Variants in EYS observed in about 807,000 individuals in gnomAD.
EYS encodes the protein EGF-like photoreceptor maintenance factor.
A neutral mutation model predicts 282.1 loss-of-function variants in EYS; 250 were observed. That is an observed-to-expected ratio of 0.89 (90% CI 0.80 to 0.98). The LOEUF (loss-of-function observed/expected upper bound fraction) is 0.98. Among genes scored for constraint, EYS ranks in the 50% least tolerant of loss-of-function variants. The probability of loss-of-function intolerance (pLI) is 0.00; values close to 1 mark genes in which losing one functional copy is unlikely to be tolerated. For missense variants in EYS, 4,016 were observed against 3,709.0 expected (o/e 1.08, Z -2.15); for synonymous variants, 1,355 against 1,282.9 (o/e 1.06, Z -1.20).
chr6:64,683,945 T>TC (rs1351421835), intron 22 of EYS, among the ~76,000 whole-genome samples: 1 of 151,972 alleles, frequency 6.6e-6, no homozygotes, highest in East Asian at 1.9e-4. Context: ...GCCCAGAGCT[T>TC]CCCCCGCCCT....
chr6:64,477,001 C>T (rs1474725845), intron 26 of EYS, among the ~76,000 whole-genome samples: 1 of 151,988 alleles, frequency 6.6e-6, no homozygotes, highest in Non-Finnish European at 1.5e-5. Context: ...GAATATAATT[C>T]TCTAATATGA....
At chr6:65,499,341 G>A (rs1766366867) in intron 2 of EYS, among the ~76,000 whole-genome samples, 1 of 151,898 alleles carries the variant, frequency 6.6e-6, no homozygotes, top group African/African-American at 2.4e-5. Flanking sequence ...GCATATAATA[G>A]GCATTCAATT....
At chr6:65,194,163 T>C (rs1462903258) in intron 12 of EYS, among the ~76,000 whole-genome samples, 1 of 151,966 alleles carries the variant, frequency 6.6e-6, no homozygotes, top group Non-Finnish European at 1.5e-5. Flanking sequence ...AATGTATTCT[T>C]TAAGTTGAAG....
At chr6:65,620,740 C>T (rs1362190607) in intron 2 of EYS, among the ~76,000 whole-genome samples, 2 of 151,106 alleles carry the variant, frequency 1.3e-5, no homozygotes, top group Non-Finnish European at 2.9e-5. Flanking sequence ...CCCAGAGATT[C>T]TGGCATGTTG....
intron 1 of EYS, among the ~76,000 whole-genome samples, chr6:65,678,740 G>T (rs1193063136): frequency 6.6e-6 from 1 of 150,852 alleles, no homozygotes; most frequent in African/African-American, 2.4e-5. Flanking sequence ...AAATATATGA[G>T]GAACTTGTAA....
intron 35 of EYS, among the ~76,000 whole-genome samples, chr6:63,973,282 T>G (rs558004570): frequency 7.9e-5 from 12 of 152,300 alleles, no homozygotes; most frequent in African/African-American, 2.6e-4. Context: ...ATTGTGGTTT[T>G]GAGTTGCATT....
At chr6:65,680,889 C>A (rs1001922906) in intron 1 of EYS, among the ~76,000 whole-genome samples, 16 of 151,896 alleles carry the variant, frequency 1.1e-4, no homozygotes, top group African/African-American at 3.6e-4. Flanking sequence ...CTATTCAATT[C>A]TCACACTCTA....
At chr6:63,876,911 A>G (rs1772988614) in intron 35 of EYS, among the ~76,000 whole-genome samples, 1 of 151,842 alleles carries the variant, frequency 6.6e-6, no homozygotes, top group South Asian at 2.1e-4. Context: ...GTGGGTCTTG[A>G]CTCTTTATCC....
At chr6:65,005,245 T>C (rs546338485) in intron 13 of EYS, among the ~76,000 whole-genome samples, 1 of 148,158 alleles carries the variant, frequency 6.7e-6, no homozygotes, top group South Asian at 2.2e-4. Flanking sequence ...AGGCTTGCCA[T>C]TGTTCCTGCA....
At chr6:64,144,358 C>A (rs4074752) in intron 31 of EYS, among the ~76,000 whole-genome samples, 17,013 of 152,196 alleles carry the variant, frequency 0.11, 1,832 homozygotes, top group African/African-American at 0.29. Context: ...TTAACATGTT[C>A]TTTAGCCAGG....
chr6:63,831,923 G>T (rs150780350), intron 36 of EYS, among the ~76,000 whole-genome samples: 1 of 151,790 alleles, frequency 6.6e-6, no homozygotes, highest in African/African-American at 2.4e-5. Context: ...CACTCAAAAC[G>T]GCTCAACTAC....
At chr6:65,329,707 G>C (rs542452935) in intron 11 of EYS, 1 of 978,078 alleles carries the variant, frequency 1.0e-6, no homozygotes, top group Admixed American at 6.2e-5. Context: ...CGGACATCAC[G>C]GCAGAAATTA....
intron 35 of EYS, among the ~76,000 whole-genome samples, chr6:63,883,892 G>A (rs1293945248): frequency 6.6e-6 from 1 of 152,184 alleles, no homozygotes; most frequent in African/African-American, 2.4e-5. Flanking sequence ...CCTGAGAAGA[G>A]CCTTTCCTCT....
At chr6:63,847,546 G>GC (rs1419024163) in intron 36 of EYS, among the ~76,000 whole-genome samples, 1 of 152,136 alleles carries the variant, frequency 6.6e-6, no homozygotes, top group Non-Finnish European at 1.5e-5. Context: ...ATATACATAA[G>GC]CCAAGAGATT....
At chr6:64,253,008 G>C (rs1276749773) in intron 30 of EYS, among the ~76,000 whole-genome samples, 1 of 152,012 alleles carries the variant, frequency 6.6e-6, no homozygotes, top group Non-Finnish European at 1.5e-5. Context: ...TTAACATAAA[G>C]GCCACTGCAT....
intron 22 of EYS, among the ~76,000 whole-genome samples, chr6:64,666,146 C>T (rs1769222828): frequency 6.6e-6 from 1 of 152,138 alleles, no homozygotes; most frequent in Non-Finnish European, 1.5e-5. Context: ...GAGGACTGAG[C>T]TTAATACCTG....
intron 26 of EYS, among the ~76,000 whole-genome samples, chr6:64,587,972 C>T (rs888138687): frequency 7.2e-5 from 11 of 152,020 alleles, no homozygotes; most frequent in African/African-American, 2.7e-4. Context: ...AATTGTATCA[C>T]CAAGTTTTTC....
At chr6:65,378,833 A>G (rs1020701796) in intron 8 of EYS, among the ~76,000 whole-genome samples, 8 of 152,118 alleles carry the variant, frequency 5.3e-5, no homozygotes, top group African/African-American at 1.9e-4. Context: ...GAGTTGAACA[A>G]TGAGAACACA....
intron 35 of EYS, among the ~76,000 whole-genome samples, chr6:63,873,235 G>C (rs1259008895): frequency 4.0e-5 from 6 of 149,166 alleles, no homozygotes; most frequent in African/African-American, 1.5e-4. Context: ...TCCCACCTAT[G>C]AGTGAGAACA....
Sources: allele counts gnomAD v4.1 joint callset (sites outside exome capture counted in the v4.1 genomes callset), GRCh38; gene constraint gnomAD v4.1.1; transcripts MANE v1.5; gene names NCBI Gene and HGNC (gene_info 2026-07-23, HGNC 2026-07-21).